The following RPTOR variants were observed in gnomAD, a reference collection of about 807,000 sequenced individuals.
RPTOR encodes the protein regulatory-associated protein of mTOR.
RPTOR carries 21 observed loss-of-function variants against 169.9 expected under a neutral mutation model. That is an observed-to-expected ratio of 0.12 (90% CI 0.09 to 0.18). The LOEUF is 0.18. RPTOR is among the 10% of genes least tolerant of loss of function. The pLI, the probability that RPTOR is intolerant of heterozygous loss-of-function variation, is 1.00. For synonymous variants in RPTOR, 732 were observed against 753.2 expected (o/e 0.97, Z 0.46); for missense variants, 1,133 against 1,855.9 (o/e 0.61, Z 7.16).
intron 7 of RPTOR, among the ~76,000 whole-genome samples, chr17:80,821,011 A>G (rs1227895888): frequency 6.6e-6 from 1 of 152,264 alleles, no homozygotes; most frequent in African/African-American, 2.4e-5. Context: ...ATATTATACT[A>G]ACTTCTCAAT....
chr17:80,930,007 A>G (rs2068855967), intron 24 of RPTOR, among the ~76,000 whole-genome samples: 1 of 151,810 alleles, frequency 6.6e-6, no homozygotes, highest in Admixed American at 6.6e-5. Context: ...TCCTCGGCTC[A>G]TCCTCAGCTC....
rs780055332 is a variant in RPTOR, at chr17:80,923,635, C to T, written c.2770C>T (p.Pro924Ser). 1.2e-6 allele frequency: 2 copies of T among 1,609,112 alleles called. No individual in the cohort carries two copies. Among genetic ancestry groups the T allele is most frequent in the Admixed American group, 1.7e-5 (1 of 59,866 alleles). The change falls in exon 23 of 34, where the codon CCC becomes TCC. Residue 924 changes from proline (P) to serine (S), a missense_variant. Pro to Ser is a moderately conservative substitution (Grantham distance 74, BLOSUM62 -1). Around this residue, in one of 9 missense-constraint regions of RPTOR, gnomAD observed 410 missense variants for 623.7 expected, o/e 0.66. Transcript: ENST00000306801. The part of the protein sequence containing the change: ...AQYTPHSHQF[P>S]RTRKMFDKGP... ...GTACACCCCTCACTCCCACCAGTTC[C>T]CCCGGACACGGAAGATGTTCGACAA...
chr17:80,582,380 C>T (rs4075781), intron 1 of RPTOR, among the ~76,000 whole-genome samples: 44,793 of 151,802 alleles, frequency 0.3, 6,711 homozygotes, highest in Middle Eastern at 0.36. Context: ...GAGTGCAGAC[C>T]CAGCAGGTTG....
rs185327535 is a variant in RPTOR at position 80,640,980 on chromosome 17, T to C, written c.266-2748T>C. Among the ~76,000 whole-genome samples the C allele has an allele frequency of 2.2e-4, 34 of 152,366 alleles. 1 individual carries two copies. The highest frequency in any genetic ancestry group is 3.4e-3 in the Middle Eastern group (1 of 294). On this transcript the variant is annotated intron_variant, in intron 2 of 33. Transcript: ENST00000306801. ...AACGCCTTCCAGCCAGCCCTGTGCGTTTACTTTGCTCCTCCTCATGCATGC... is the reference window on the plus strand; with the variant it reads ...AACGCCTTCCAGCCAGCCCTGTGCGCTTACTTTGCTCCTCCTCATGCATGC...
chr17:80,622,504 ATTTGTCTC>A (rs1044538542), intron 1 of RPTOR, among the ~76,000 whole-genome samples: 8 of 152,216 alleles, frequency 5.3e-5, no homozygotes, highest in Admixed American at 2.6e-4. Flanking sequence ...TGAAGGGGCC[ATTTGTCTC>A]TTACGCTTCA....
At chr17:80,776,243 C>T (rs9910524) in intron 6 of RPTOR, among the ~76,000 whole-genome samples, 1 of 150,766 alleles carries the variant, frequency 6.6e-6, no homozygotes, top group South Asian at 2.1e-4. Flanking sequence ...TTATTTTGGA[C>T]TATTTCTTAG....
rs1352739501 is a variant in RPTOR, at chr17:80,545,349, C to G, written c.-281C>G. On this transcript the variant is annotated 5_prime_UTR_variant, in exon 1 of 34. Coordinates refer to ENST00000306801, the MANE Select transcript of RPTOR (RefSeq NM_020761.3). ...CAGCCCCTCTGGAAACGTACAGCCT[C>G]AGGAGCAGCCAGTGGCTTGGGACCT... The G allele has an allele frequency of 6.2e-6, 2 of 321,452 alleles. No homozygotes were observed. Among genetic ancestry groups the G allele is most frequent in the African/African-American group, 2.1e-5 (1 of 47,348 alleles). 19.9% of individuals were successfully genotyped at this position (321,452 alleles called of 1,614,324 possible).
At chr17:80,821,785 C>A (rs1232891308) in intron 7 of RPTOR, among the ~76,000 whole-genome samples, 1 of 152,226 alleles carries the variant, frequency 6.6e-6, no homozygotes, top group Non-Finnish European at 1.5e-5. Context: ...GGGCGAGACT[C>A]CTCCCAGCAT....
rs1268530647 is a variant in RPTOR, at chr17:80,708,988, CT to C, written c.507+990del. On this transcript the variant is annotated intron_variant, in intron 4 of 33. Transcript: ENST00000306801. The surrounding 1 kb of genome is among the most constrained non-coding windows in gnomAD (Gnocchi z 4.2). Reference sequence around the variant, plus strand: ...CACACACTGAACTCTCGGTTCCCGCCTACCGTCCCGGGTTCGCAGCTAGCAT... The same window carrying C: ...CACACACTGAACTCTCGGTTCCCGCCACCGTCCCGGGTTCGCAGCTAGCAT... 1.5e-5 allele frequency: 15 copies of C among 985,670 alleles called. No individual in the cohort carries two copies. The South Asian group carries it at 5.6e-4, about 37-fold the overall frequency. 61.1% of individuals were successfully genotyped at this position (985,670 alleles called of 1,614,324 possible). A position where few individuals can be genotyped will look rare whatever the true frequency, so the allele number is the denominator to read the frequency against.
chr17:80,769,936 G>GCCTGA (rs1214381687), intron 6 of RPTOR, among the ~76,000 whole-genome samples: 3 of 152,104 alleles, frequency 2.0e-5, no homozygotes, highest in African/African-American at 4.8e-5. Context: ...GGCTGGCCTG[G>GCCTGA]CCTGCAGAGC....
chr17:80,643,670 C>A, intron 2 of RPTOR, 58 bp from the exon 3 acceptor site: 2 of 1,287,770 alleles, frequency 1.6e-6, no homozygotes, highest in Non-Finnish European at 2.2e-6. Flanking sequence ...GGAAGAGAGG[C>A]CTAGCAGAGG....
At chr17:80,691,630 A>G (rs1210298494) in intron 3 of RPTOR, among the ~76,000 whole-genome samples, 3 of 152,066 alleles carry the variant, frequency 2.0e-5, no homozygotes, top group Non-Finnish European at 4.4e-5. Context: ...TCATTTTGAT[A>G]TGGTATGACA....
At chr17:80,712,126 A>G (rs536926149) in intron 4 of RPTOR, among the ~76,000 whole-genome samples, 6 of 152,178 alleles carry the variant, frequency 3.9e-5, no homozygotes, top group Non-Finnish European at 7.4e-5. Flanking sequence ...ATTGAGTTAT[A>G]TACTTCCTTC....
intron 10 of RPTOR, among the ~76,000 whole-genome samples, chr17:80,842,571 G>A (rs2067683215): frequency 6.6e-6 from 1 of 152,200 alleles, no homozygotes; most frequent in Non-Finnish European, 1.5e-5. Context: ...TAGTTGCTAT[G>A]TATTTATTTG....
At chr17:80,638,921 C>T (rs912497910) in intron 2 of RPTOR, among the ~76,000 whole-genome samples, 3 of 152,196 alleles carry the variant, frequency 2.0e-5, no homozygotes, top group Non-Finnish European at 4.4e-5. Flanking sequence ...GATCTCGCTC[C>T]TGTACGGCTC....
In RPTOR at chr17:80,947,330, T is replaced by C. The variant is rs1210058566; in HGVS notation, c.3244T>C (p.Ser1082Pro). 2 of 1,580,038 alleles carry C rather than the reference T, an allele frequency of 1.3e-6. No individual in the cohort carries two copies. Among genetic ancestry groups the C allele is most frequent in the Non-Finnish European group, 1.7e-6 (2 of 1,165,220 alleles). The change falls in exon 27 of 34, where the codon TCG becomes CCG. Residue 1082 changes from serine (S) to proline (P), a missense_variant. By Grantham distance (74) the Ser-to-Pro change is moderately conservative. Around this residue, in one of 9 missense-constraint regions of RPTOR, gnomAD observed 410 missense variants for 623.7 expected, o/e 0.66. Transcript: ENST00000306801. The surrounding 1 kb of genome is among the most constrained non-coding windows in gnomAD (Gnocchi z 4.4). The part of the protein sequence containing the change: ...AMEYLNGQDC[S>P]LLLTATDDGA... ...GGAGTATCTGAACGGCCAGGACTGC[T>C]CGCTTCTGCTGACGGCCACAGGTGA...
intron 13 of RPTOR, among the ~76,000 whole-genome samples, chr17:80,870,218 G>A (rs1003088019): frequency 6.6e-6 from 1 of 152,220 alleles, no homozygotes; most frequent in Non-Finnish European, 1.5e-5. Flanking sequence ...CAGTGGATCT[G>A]GAAAGATGCT....
intron 2 of RPTOR, among the ~76,000 whole-genome samples, chr17:80,642,928 T>C (rs2065564859): frequency 6.6e-6 from 1 of 152,188 alleles, no homozygotes; most frequent in South Asian, 2.1e-4. Context: ...CGCAAAAATA[T>C]GCAAAAATGC....
chr17:80,955,676 C>T lies in RPTOR; in HGVS notation c.3371-1948C>T, dbSNP rs113159717. Among the ~76,000 whole-genome samples, 407 of 152,108 alleles carry T rather than the reference C, an allele frequency of 2.7e-3. 2 individuals carry two copies. The highest frequency in any genetic ancestry group is 9.2e-3 in the African/African-American group (382 of 41,458). ...TATAAAAATATGTGCAACTGTCTGT[C>T]GTGAAAAAAAACGGCAAACACCACA... On this transcript the variant is annotated intron_variant, in intron 28 of 33. Coordinates refer to ENST00000306801, the MANE Select transcript of RPTOR (RefSeq NM_020761.3).
Sources: allele counts gnomAD v4.1 joint callset (sites outside exome capture counted in the v4.1 genomes callset), GRCh38; gene constraint gnomAD v4.1.1; regional missense constraint gnomAD v4.1.1; non-coding constraint Gnocchi (gnomAD v3.1); transcripts MANE v1.5; gene names NCBI Gene and HGNC (gene_info 2026-07-23, HGNC 2026-07-21).